Variants in IGF1R observed in about 807,000 individuals in gnomAD.
IGF1R encodes insulin like growth factor 1 receptor, also known as insulin-like growth factor 1 receptor.
In IGF1R, 44 loss-of-function variants were observed where a neutral mutation model predicts 144.6. The ratio of observed to expected loss-of-function variants is 0.30; its 90% CI spans 0.24 to 0.39. The LOEUF (loss-of-function observed/expected upper bound fraction) is 0.39, where lower values mean the gene tolerates loss of function less well. Ranked by LOEUF, IGF1R falls within the 10% of genes least tolerant of loss-of-function variation. The pLI is 1.00. For missense variants in IGF1R, 1,355 were observed against 1,833.7 expected, an observed-to-expected ratio of 0.74 and a Z score of 4.77; for synonymous variants, 795 against 722.8, an observed-to-expected ratio of 1.10 and a Z score of -1.60.
intron 1 of IGF1R, among the ~76,000 whole-genome samples, chr15:98,706,944 T>TTC (rs45559031): frequency 0.95 from 144,903 of 152,104 alleles, 69,175 homozygotes; most frequent in Non-Finnish European, 0.98. Flanking sequence ...GTTTTTAATC[T>TTC]TGTTAGGTTA....
At chr15:98,664,010 G>C (rs1308519791) in intron 1 of IGF1R, among the ~76,000 whole-genome samples, 1 of 152,230 alleles carries the variant, frequency 6.6e-6, no homozygotes, top group African/African-American at 2.4e-5. Context: ...GGTGCTGCCT[G>C]TTCTGCCACT....
intron 2 of IGF1R, among the ~76,000 whole-genome samples, chr15:98,806,679 T>G (rs1017441378): frequency 6.6e-6 from 1 of 152,176 alleles, no homozygotes; most frequent in South Asian, 2.1e-4. Context: ...TCCTAGTCCT[T>G]GTGAACATGT....
intron 13 of IGF1R, among the ~76,000 whole-genome samples, chr15:98,927,118 T>TAA (rs372033557): frequency 5.3e-5 from 8 of 152,220 alleles, no homozygotes; most frequent in African/African-American, 1.9e-4. Context: ...TTTAACCTTG[T>TAA]AAGTGCCAGG....
At chr15:98,713,760 C>T (rs1403817002) in intron 2 of IGF1R, among the ~76,000 whole-genome samples, 1 of 152,126 alleles carries the variant, frequency 6.6e-6, no homozygotes, top group Non-Finnish European at 1.5e-5. Context: ...GGTGCAGATG[C>T]CTTCACTTTC....
At chr15:98,865,725 G>C (rs1375077803) in intron 2 of IGF1R, among the ~76,000 whole-genome samples, 1 of 152,224 alleles carries the variant, frequency 6.6e-6, no homozygotes, top group Non-Finnish European at 1.5e-5. Flanking sequence ...GCAGAACGCG[G>C]TTTCGATCAC....
At chr15:98,859,054 C>T (rs955747334) in intron 2 of IGF1R, among the ~76,000 whole-genome samples, 5 of 148,824 alleles carry the variant, frequency 3.4e-5, no homozygotes, top group Non-Finnish European at 7.4e-5. Flanking sequence ...CTCATCTAAG[C>T]AAGAAGTAAA....
chr15:98,681,825 C>G (rs956447466), intron 1 of IGF1R, among the ~76,000 whole-genome samples: 2 of 152,166 alleles, frequency 1.3e-5, no homozygotes, highest in African/African-American at 4.8e-5. Flanking sequence ...GGGTCTGTCC[C>G]TGGTGTCATC....
chr15:98,863,432 T>C lies in IGF1R; in HGVS notation c.641-27893T>C, dbSNP rs1409839588. On this transcript the variant is annotated intron_variant, in intron 2 of 20. Transcript: ENST00000650285. ...TCTAAACAAGCATTCTGTTCCTCAT[T>C]ATTCTTTCACCCACTAATTTTAACA... Among the ~76,000 whole-genome samples, 4 of 152,340 alleles carry C rather than the reference T, an allele frequency of 2.6e-5. No homozygotes were observed. In the Middle Eastern group the frequency reaches 0.01, roughly 389 times the overall value.
chr15:98,734,014 CATT>C lies in IGF1R; in HGVS notation c.640+25909_640+25911del, dbSNP rs374341347. Among the ~76,000 whole-genome samples the C allele has an allele frequency of 3.4e-4, 52 of 152,310 alleles. No individual in the cohort carries two copies. The East Asian group carries it at 9.7e-3, about 28-fold the overall frequency. ...GATTAGTGTTCCGAGCCATAGGTAA[CATT>C]AGCCTGCCTCGTAGGACCCTCAGAT... On this transcript the variant is annotated intron_variant, in intron 2 of 20. Transcript: ENST00000650285.
chr15:98,888,243 C>T (rs1025213471), intron 2 of IGF1R, among the ~76,000 whole-genome samples: 1 of 152,100 alleles, frequency 6.6e-6, no homozygotes, highest in Admixed American at 6.5e-5. Flanking sequence ...AGGTGCAGCA[C>T]ACATTAAATA....
chr15:98,843,164 C>T (rs1286786756), intron 2 of IGF1R, among the ~76,000 whole-genome samples: 1 of 152,200 alleles, frequency 6.6e-6, no homozygotes, highest in Non-Finnish European at 1.5e-5. Context: ...ATCCTTCAAC[C>T]TGCTGTGCTA....
At chr15:98,780,040 T>C (rs1400260764) in intron 2 of IGF1R, among the ~76,000 whole-genome samples, 1 of 152,066 alleles carries the variant, frequency 6.6e-6, no homozygotes, top group Non-Finnish European at 1.5e-5. Flanking sequence ...CCTCACACAC[T>C]TTAACTCCAC....
chr15:98,919,997 G>T (rs1027176167), intron 10 of IGF1R, among the ~76,000 whole-genome samples: 1 of 152,262 alleles, frequency 6.6e-6, no homozygotes, highest in African/African-American at 2.4e-5. Context: ...GTGGAAGCTA[G>T]AGTTTGTAAA....
intron 2 of IGF1R, among the ~76,000 whole-genome samples, chr15:98,860,338 T>C (rs2012079595): frequency 6.6e-6 from 1 of 152,234 alleles, no homozygotes; most frequent in African/African-American, 2.4e-5. Context: ...ATCTTGAGTA[T>C]CTCAGCTTCT....
At chr15:98,748,250 T>G (rs2054917370) in intron 2 of IGF1R, among the ~76,000 whole-genome samples, 2 of 152,244 alleles carry the variant, frequency 1.3e-5, no homozygotes, top group Admixed American at 6.5e-5. Flanking sequence ...CACTGGGACC[T>G]CAAACACCTG....
intron 1 of IGF1R, among the ~76,000 whole-genome samples, chr15:98,695,422 C>T (rs1269338647): frequency 6.6e-6 from 1 of 152,178 alleles, no homozygotes; most frequent in Non-Finnish European, 1.5e-5. Flanking sequence ...ATGCACCTGG[C>T]TGTAGCATCC....
intron 19 of IGF1R, among the ~76,000 whole-genome samples, chr15:98,945,201 A>G (rs1196790001): frequency 6.6e-6 from 1 of 152,228 alleles, no homozygotes. Flanking sequence ...ATCACCCAAC[A>G]CATAATCTTT....
At chr15:98,888,205 T>C (rs1034065830) in intron 2 of IGF1R, among the ~76,000 whole-genome samples, 1 of 152,246 alleles carries the variant, frequency 6.6e-6, no homozygotes, top group Non-Finnish European at 1.5e-5. Context: ...GGATTGTCGC[T>C]GATCCTGCGT....
intron 2 of IGF1R, among the ~76,000 whole-genome samples, chr15:98,834,052 C>T (rs565517300): frequency 1.3e-5 from 2 of 152,324 alleles, no homozygotes; most frequent in Admixed American, 1.3e-4. Flanking sequence ...ATGTCATCTC[C>T]TAATTAAAAT....
Sources: allele counts gnomAD v4.1 joint callset (sites outside exome capture counted in the v4.1 genomes callset), GRCh38; gene constraint gnomAD v4.1.1; transcripts MANE v1.5; gene names NCBI Gene and HGNC (gene_info 2026-07-23, HGNC 2026-07-21).